The following TCF3 variants were observed in gnomAD, a reference collection of about 807,000 sequenced individuals.
TCF3 encodes the protein transcription factor 3.
TCF3 carries 54 observed loss-of-function variants against 72.3 expected under a neutral mutation model. The ratio of observed to expected loss-of-function variants is 0.75; its 90% CI spans 0.60 to 0.94. The LOEUF (loss-of-function observed/expected upper bound fraction) is 0.94, where lower values mean the gene tolerates loss of function less well. TCF3 is among the 40% of genes least tolerant of loss of function. The pLI is 0.00. For synonymous variants in TCF3, 525 were observed against 412.6 expected, an observed-to-expected ratio of 1.27 and a Z score of -3.30; for missense variants, 1,078 against 934.4, an observed-to-expected ratio of 1.15 and a Z score of -2.00.
Position 1,611,697 on chromosome 19 carries a change from G to A in TCF3, c.*10C>T, listed in dbSNP as rs576112105. The A allele has an allele frequency of 1.7e-5, 27 of 1,611,408 alleles. No individual in the cohort carries two copies. In the African/African-American group the frequency reaches 2.5e-4, roughly 15 times the overall value. ...GAAAGCGGGTGGCTCGTCCCACGGA[G>A]GCATACCTTTCACATGTGCCCGGCG... is the stretch of plus-strand genomic sequence containing the variant. On this transcript the variant is annotated 3_prime_UTR_variant, in exon 19 of 19. Coordinates refer to ENST00000262965, the MANE Select transcript of TCF3 (RefSeq NM_003200.5).
intron 3 of TCF3, among the ~76,000 whole-genome samples, chr19:1,637,085 G>A (rs573785065): frequency 3.6e-5 from 5 of 139,542 alleles, no homozygotes; most frequent in South Asian, 2.3e-4. Context: ...CCACCAGCAC[G>A]GGGGACAACC....
In TCF3 at chr19:1,615,599, C is replaced by T; in HGVS notation, c.1587-79G>A. 6.2e-7 allele frequency: 1 copy of T among 1,608,202 alleles called. No individual in the cohort carries two copies. The highest frequency in any genetic ancestry group is 8.5e-7 in the Non-Finnish European group (1 of 1,179,732). On this transcript the variant is annotated intron_variant, in intron 17 of 18. Coordinates refer to ENST00000262965, the MANE Select transcript of TCF3 (RefSeq NM_003200.5). The surrounding 1 kb of genome is among the most constrained non-coding windows in gnomAD (Gnocchi z 7.3). ...GAGCGTGGGGCCCGCCGACGGCCTC[C>T]CAGTGTGGGTGCGGTGTGCGTGTGG...
intron 3 of TCF3, among the ~76,000 whole-genome samples, chr19:1,635,502 C>T (rs1020105285): frequency 1.3e-5 from 2 of 152,076 alleles, no homozygotes; most frequent in African/African-American, 2.4e-5. Flanking sequence ...TGACCCCCAC[C>T]CACACCCCCT....
chr19:1,639,519 A>G (rs1339470445), intron 3 of TCF3, among the ~76,000 whole-genome samples: 3 of 152,196 alleles, frequency 2.0e-5, no homozygotes, highest in Admixed American at 2.0e-4. Context: ...AAAAATCTAA[A>G]TATGGTTCAA....
intron 3 of TCF3, among the ~76,000 whole-genome samples, chr19:1,633,473 T>C (rs1356440883): frequency 2.7e-5 from 4 of 147,068 alleles, no homozygotes; most frequent in Non-Finnish European, 4.5e-5. Flanking sequence ...CCCCCTGCCC[T>C]CCCTGCTCAT....
rs187086354 is a variant in TCF3, at chr19:1,625,437, C to T, written c.499+139G>A. The T allele has an allele frequency of 3.2e-4, 376 of 1,167,084 alleles. 6 individuals carry two copies. The East Asian group carries it at 1.0e-2, about 31-fold the overall frequency. 72.3% of individuals were successfully genotyped at this position (1,167,084 alleles called of 1,614,324 possible). On this transcript the variant is annotated intron_variant, in intron 7 of 18. Coordinates refer to ENST00000262965, the MANE Select transcript of TCF3 (RefSeq NM_003200.5). ...GTCACCGTCCATCCCTCCCACGGCC[C>T]GAGCGCCCGACGTCCAGCCAGGACC...
chr19:1,639,751 GAAAAAAAAA>G (rs10674333), intron 3 of TCF3, among the ~76,000 whole-genome samples: 3 of 54,212 alleles, frequency 5.5e-5, no homozygotes, highest in African/African-American at 7.3e-5. Context: ...AGGAAATTAG[GAAAAAAAAA>G]AAAAAAAAAA....
intron 3 of TCF3, among the ~76,000 whole-genome samples, chr19:1,640,147 C>T (rs991190741): frequency 6.6e-6 from 1 of 152,176 alleles, no homozygotes; most frequent in Admixed American, 6.5e-5. Context: ...CAAACGTTAT[C>T]AAAGAGCCGA....
In TCF3 at chr19:1,609,729, G is replaced by A; in HGVS notation, c.*1978C>T. The A allele has an allele frequency of 8.7e-6, 2 of 228,976 alleles. No individual in the cohort carries two copies. The highest frequency in any genetic ancestry group is 8.7e-6 in the Non-Finnish European group (1 of 115,586). 14.2% of individuals were successfully genotyped at this position (228,976 alleles called of 1,614,324 possible). A position where few individuals can be genotyped will look rare whatever the true frequency, so the allele number is the denominator to read the frequency against. On this transcript the variant is annotated 3_prime_UTR_variant, in exon 19 of 19. Coordinates refer to ENST00000262965, the MANE Select transcript of TCF3 (RefSeq NM_003200.5). ...ACAGCCCCTCCCCTCCGCCTGGCCT[G>A]GACTGGGGGCAGATACCAGGCATTG...
chr19:1,648,883 C>T (rs1046180349), intron 2 of TCF3, among the ~76,000 whole-genome samples: 1 of 152,196 alleles, frequency 6.6e-6, no homozygotes, highest in Middle Eastern at 3.4e-3. Context: ...AACCAAGGTC[C>T]CTGGGCTTCT....
At chr19:1,622,260 G>A in intron 9 of TCF3, 37 bp from the exon 10 acceptor site, 1 of 1,511,522 alleles carries the variant, frequency 6.6e-7, no homozygotes, top group Non-Finnish European at 8.9e-7. Context: ...GGCCGAGTGG[G>A]GAACCCCAGC....
Position 1,609,450 on chromosome 19 carries a change from A to C in TCF3, c.*2257T>G. 1 of 210,442 alleles carries C rather than the reference A, an allele frequency of 4.8e-6. No homozygotes were observed. The allele number at this position is 210,442 out of a possible 1,614,324, so 13.0% of individuals were successfully genotyped here. A position where few individuals can be genotyped will look rare whatever the true frequency, so the allele number is the denominator to read the frequency against. On this transcript the variant is annotated 3_prime_UTR_variant, in exon 19 of 19. Transcript: ENST00000262965. ...CTTTAAAAAAATTTTTTTGAAAACCATCTTGAGGCACTCAGATCACACCCC... is the reference window on the plus strand; with the variant it reads ...CTTTAAAAAAATTTTTTTGAAAACCCTCTTGAGGCACTCAGATCACACCCC...
intron 5 of TCF3, among the ~76,000 whole-genome samples, chr19:1,629,416 C>T (rs1197403626): frequency 6.6e-6 from 1 of 152,156 alleles, no homozygotes; most frequent in Admixed American, 6.5e-5. Flanking sequence ...TGAGCACTTC[C>T]CTGGGGCGCT....
intron 16 of TCF3, among the ~76,000 whole-genome samples, chr19:1,616,208 CTCACACCTGT>C (rs1221476426): frequency 2.6e-5 from 4 of 152,150 alleles, no homozygotes; most frequent in African/African-American, 9.7e-5. Flanking sequence ...CTCACACCAG[CTCACACCTGT>C]AATGCCAGCA....
In TCF3 at chr19:1,625,596, C is replaced by G. The variant is rs1044418406; in HGVS notation, c.479G>C (p.Arg160Thr). The change falls in exon 7 of 19, where the codon AGA becomes ACA. Residue 160 changes from arginine (R) to threonine (T), a missense_variant. Transcript: ENST00000262965. The stretch of plus-strand genomic sequence containing the variant: ...CTCACCTAGGCTGCCGTCTGCCGCT[C>G]TCCGCCGGGAGCTGCCGGAGTAGGA... The part of the protein sequence containing the change: ...YPSYSGSSRR[R>T]AADGSLDTQP... 1 of 1,586,226 alleles carries G rather than the reference C, an allele frequency of 6.3e-7. No homozygotes were observed. Among genetic ancestry groups the G allele is most frequent in the Non-Finnish European group, 8.6e-7 (1 of 1,168,876 alleles).
chr19:1,632,416 G>C lies in TCF3; in HGVS notation c.146-11C>G, dbSNP rs1003618194. The C allele has an allele frequency of 1.3e-6, 2 of 1,586,098 alleles. No individual in the cohort carries two copies. Among genetic ancestry groups the C allele is most frequent in the Non-Finnish European group, 1.7e-6 (2 of 1,166,486 alleles). ...GCCGGTCCTCAAGACCTGCAGGCAG[G>C]ACAGAGAGAGTTATGGGTCACCCTC... On this transcript the variant is annotated splice_polypyrimidine_tract_variant and intron_variant, in intron 3 of 18. Transcript: ENST00000262965.
chr19:1,652,439 G>A lies in TCF3; in HGVS notation c.-179C>T, dbSNP rs2067276453. 7.0e-6 allele frequency: 1 copy of A among 143,022 alleles called. No homozygotes were observed. Among genetic ancestry groups the A allele is most frequent in the African/African-American group, 2.5e-5 (1 of 39,922 alleles). 8.9% of individuals were successfully genotyped at this position (143,022 alleles called of 1,614,324 possible). On this transcript the variant is annotated 5_prime_UTR_variant, in exon 1 of 19. Coordinates refer to ENST00000262965, the MANE Select transcript of TCF3 (RefSeq NM_003200.5). ...CGGCGGCGGCGGCGCGCGTGGCCCG[G>A]GCCCCTCCCACCCCCGCGTGGCCCG...
chr19:1,614,003 C>T lies in TCF3; in HGVS notation c.1822+1282G>A, dbSNP rs1421797728. On this transcript the variant is annotated intron_variant, in intron 18 of 18. Transcript: ENST00000262965. The surrounding 1 kb of genome is among the most constrained non-coding windows in gnomAD (Gnocchi z 5.6). ...CTGCCGCAGGGGTGCGGGTCCCGGC[C>T]CAGGCCTCTGTGCTGCATGGCCCTG... Among the ~76,000 whole-genome samples, 2 of 152,274 alleles carry T rather than the reference C, an allele frequency of 1.3e-5. No homozygotes were observed. Among genetic ancestry groups the T allele is most frequent in the Non-Finnish European group, 2.9e-5 (2 of 68,042 alleles).
At chr19:1,617,517 G>A (rs1442175381) in intron 16 of TCF3, among the ~76,000 whole-genome samples, 1 of 152,244 alleles carries the variant, frequency 6.6e-6, no homozygotes, top group Non-Finnish European at 1.5e-5. Flanking sequence ...CCAAAACCCG[G>A]GCTTGGGGAG....
Sources: allele counts gnomAD v4.1 joint callset (sites outside exome capture counted in the v4.1 genomes callset), GRCh38; gene constraint gnomAD v4.1.1; non-coding constraint Gnocchi (gnomAD v3.1); transcripts MANE v1.5; gene names NCBI Gene and HGNC (gene_info 2026-07-23, HGNC 2026-07-21).